FGGY: variants seen among roughly 807,000 people sequenced by gnomAD.
FGGY encodes the protein FGGY carbohydrate kinase domain containing, also known as FGGY carbohydrate kinase domain-containing protein.
A neutral mutation model predicts 71.3 loss-of-function variants in FGGY; 72 were observed. That is an observed-to-expected ratio of 1.01 (90% CI 0.84 to 1.23). The LOEUF is 1.23. Among genes scored for constraint, FGGY ranks in the 50% most tolerant of loss-of-function variants. The pLI is 0.00. For missense variants in FGGY, 668 were observed against 682.3 expected, an observed-to-expected ratio of 0.98 and a Z score of 0.23; for synonymous variants, 251 against 250.3, an observed-to-expected ratio of 1.00 and a Z score of -0.02.
At chr1:59,322,446 C>T (rs1467377961) in intron 2 of FGGY, among the ~76,000 whole-genome samples, 1 of 152,106 alleles carries the variant, frequency 6.6e-6, no homozygotes, top group Non-Finnish European at 1.5e-5. Flanking sequence ...CACCACCCCC[C>T]AGCGCTTTCC....
intron 7 of FGGY, among the ~76,000 whole-genome samples, chr1:59,552,406 C>T (rs7523743): frequency 0.013 from 2,012 of 152,318 alleles, 48 homozygotes; most frequent in African/African-American, 0.046. Context: ...TTGGAAGAGT[C>T]TTACTTCCCC....
At chr1:59,376,511 G>C (rs1184224729) in intron 4 of FGGY, among the ~76,000 whole-genome samples, 2 of 152,178 alleles carry the variant, frequency 1.3e-5, no homozygotes, top group Non-Finnish European at 2.9e-5. Context: ...ATAAAGGCCA[G>C]TTGTATATAA....
intron 8 of FGGY, among the ~76,000 whole-genome samples, chr1:59,602,917 TTAGTAG>T (rs997491826): frequency 1.3e-5 from 2 of 152,198 alleles, no homozygotes; most frequent in African/African-American, 4.8e-5. Context: ...TGCCACTTCA[TTAGTAG>T]TAGTAGTAAT....
chr1:59,733,196 A>G, intron 14 of FGGY: 1 of 154,444 alleles, frequency 6.5e-6, no homozygotes, highest in Non-Finnish European at 1.5e-5. Flanking sequence ...GTGTTTCCAG[A>G]TGGCCATGGT....
intron 7 of FGGY, among the ~76,000 whole-genome samples, chr1:59,538,691 G>T (rs1478996847): frequency 6.6e-6 from 1 of 152,044 alleles, no homozygotes; most frequent in Non-Finnish European, 1.5e-5. Context: ...CATGTCCTTT[G>T]TTAGGGACAT....
chr1:59,595,618 A>C (rs1170159174), intron 8 of FGGY, among the ~76,000 whole-genome samples: 1 of 152,172 alleles, frequency 6.6e-6, no homozygotes, highest in African/African-American at 2.4e-5. Flanking sequence ...TGAACCCAGG[A>C]GGCAGAAGTT....
intron 6 of FGGY, among the ~76,000 whole-genome samples, chr1:59,464,547 C>A (rs538378978): frequency 9.9e-5 from 15 of 151,520 alleles, no homozygotes; most frequent in Non-Finnish European, 1.5e-4. Context: ...GACACACACA[C>A]AAAAAAACCC....
At chr1:59,681,001 G>T (rs1398627876) in intron 14 of FGGY, 1 of 152,082 alleles carries the variant, frequency 6.6e-6, no homozygotes, top group Non-Finnish European at 1.5e-5. Flanking sequence ...AATAAGCAGG[G>T]TGCCCTCTTT....
intron 6 of FGGY, among the ~76,000 whole-genome samples, chr1:59,500,635 T>C (rs2094193790): frequency 7.6e-6 from 1 of 132,200 alleles, no homozygotes; most frequent in African/African-American, 2.9e-5. Flanking sequence ...AAGATCACAC[T>C]CTTCATTGTA....
intron 11 of FGGY, among the ~76,000 whole-genome samples, chr1:59,658,421 C>T (rs538309486): frequency 2.0e-5 from 3 of 152,160 alleles, no homozygotes; most frequent in Non-Finnish European, 4.4e-5. Context: ...ATTAAAAAAT[C>T]AAAGCCATCA....
Position 59,298,729 on chromosome 1 carries a change from C to T in FGGY, c.-15+1579C>T, listed in dbSNP as rs546627293. Reference sequence around the variant, plus strand: ...CCTTAATCTCCTAGCCAGAGTGGAACCCCCTACCTCCACCCCCAGGGGGAT... The same window carrying T: ...CCTTAATCTCCTAGCCAGAGTGGAATCCCCTACCTCCACCCCCAGGGGGAT... On this transcript the variant is annotated intron_variant, in intron 1 of 15. Coordinates refer to ENST00000303721, the MANE Select transcript of FGGY (RefSeq NM_018291.5). Among the ~76,000 whole-genome samples, 50 of 152,260 alleles carry T rather than the reference C, an allele frequency of 3.3e-4. No homozygotes were observed. In the Middle Eastern group the frequency reaches 0.014, roughly 41 times the overall value.
chr1:59,498,362 A>G (rs564325411), intron 6 of FGGY, among the ~76,000 whole-genome samples: 1 of 152,208 alleles, frequency 6.6e-6, no homozygotes, highest in South Asian at 2.1e-4. Flanking sequence ...CATTGTTAAC[A>G]TTTATTTTCT....
At chr1:59,534,942 G>A (rs1404784204) in intron 7 of FGGY, among the ~76,000 whole-genome samples, 1 of 151,270 alleles carries the variant, frequency 6.6e-6, no homozygotes, top group African/African-American at 2.4e-5. Flanking sequence ...AAAATCACCA[G>A]CTAACATCAT....
At chr1:59,526,543 C>A (rs564098913) in intron 7 of FGGY, among the ~76,000 whole-genome samples, 1 of 152,050 alleles carries the variant, frequency 6.6e-6, no homozygotes, top group Non-Finnish European at 1.5e-5. Context: ...CTTTTCCAGG[C>A]GGTGTAAAAA....
intron 8 of FGGY, among the ~76,000 whole-genome samples, chr1:59,586,410 A>G (rs994031920): frequency 3.3e-5 from 5 of 152,182 alleles, no homozygotes; most frequent in African/African-American, 1.2e-4. Context: ...CGCAAGGACA[A>G]AAAACCAAAC....
chr1:59,491,374 A>G (rs550958458), intron 6 of FGGY, among the ~76,000 whole-genome samples: 1 of 151,460 alleles, frequency 6.6e-6, no homozygotes, highest in South Asian at 2.1e-4. Flanking sequence ...CTTTCCATTT[A>G]TTTTTATCCT....
chr1:59,493,082 C>A (rs1355395760), intron 6 of FGGY, among the ~76,000 whole-genome samples: 1 of 131,386 alleles, frequency 7.6e-6, no homozygotes, highest in East Asian at 2.2e-4. Flanking sequence ...AGGATGGCTA[C>A]TATTACCAAA....
intron 8 of FGGY, among the ~76,000 whole-genome samples, chr1:59,565,883 A>T (rs1426220232): frequency 6.6e-6 from 1 of 152,078 alleles, no homozygotes; most frequent in Middle Eastern, 3.2e-3. Flanking sequence ...AATAAACAAC[A>T]TCACTTGTCA....
chr1:59,524,820 G>A (rs2094932628), intron 7 of FGGY, among the ~76,000 whole-genome samples: 1 of 152,170 alleles, frequency 6.6e-6, no homozygotes, highest in Non-Finnish European at 1.5e-5. Flanking sequence ...AGTTGTCTGT[G>A]TATCTCATTC....
Sources: gnomAD v4.1 joint callset for allele counts (sites outside exome capture counted in the v4.1 genomes callset) on GRCh38, gnomAD v4.1.1 for gene constraint, MANE v1.5 for transcripts, NCBI Gene and HGNC (gene_info 2026-07-23, HGNC 2026-07-21) for gene names.